The following EML5 variants were observed in gnomAD, a reference collection of about 807,000 sequenced individuals.
The protein encoded by EML5 is EMAP like 5, also known as echinoderm microtubule-associated protein-like 5.
Under a neutral mutation model 250.0 loss-of-function variants are expected in EML5, and 120 were observed. The ratio of observed to expected loss-of-function variants is 0.48; its 90% CI spans 0.41 to 0.56. The LOEUF is 0.56. Among genes scored for constraint, EML5 ranks in the 20% least tolerant of loss-of-function variants. EML5 has a pLI of 0.00. For missense variants in EML5, 2,006 were observed against 2,437.6 expected (o/e 0.82, Z 3.73); for synonymous variants, 771 against 806.5 (o/e 0.96, Z 0.75).
At chr14:88,637,677 TA>T (rs1405673536) in intron 32 of EML5, among the ~76,000 whole-genome samples, 1 of 152,080 alleles carries the variant, frequency 6.6e-6, no homozygotes, top group Non-Finnish European at 1.5e-5. Context: ...ATTTACTCAA[TA>T]AAAATTAACT....
Position 88,614,102 on chromosome 14 carries a change from CTG to C in EML5, c.*1714_*1715del, listed in dbSNP as rs776427348. The C allele has an allele frequency of 2.0e-5, 3 of 152,196 alleles. No individual in the cohort carries two copies. Among genetic ancestry groups the C allele is most frequent in the Non-Finnish European group, 4.4e-5 (3 of 68,036 alleles). The allele number at this position is 152,196 out of a possible 1,614,324, so 9.4% of individuals were successfully genotyped here. A position where few individuals can be genotyped will look rare whatever the true frequency, so the allele number is the denominator to read the frequency against. On this transcript the variant is annotated 3_prime_UTR_variant, in exon 44 of 44. Coordinates refer to ENST00000554922, the MANE Select transcript of EML5 (RefSeq NM_183387.3). ...GCACTGTAATGGAAATATAATTTCTCTGTAGCCAAAAGCTGGCAAACTTGACC... is the reference window on the plus strand; with the variant it reads ...GCACTGTAATGGAAATATAATTTCTCTAGCCAAAAGCTGGCAAACTTGACC...
intron 1 of EML5, among the ~76,000 whole-genome samples, chr14:88,767,008 T>C (rs1363369130): frequency 6.6e-6 from 1 of 152,238 alleles, no homozygotes; most frequent in Admixed American, 6.5e-5. Context: ...TTGTCTTTTC[T>C]TGTATAAATT....
At position 88,618,819 on chromosome 14, in the gene EML5, C is replaced by A. The variant is rs1271037410; in HGVS notation, c.5376-7G>T. 7 of 1,564,794 alleles carry A rather than the reference C, an allele frequency of 4.5e-6. No individual in the cohort carries two copies. The highest frequency in any genetic ancestry group is 4.3e-6 in the Non-Finnish European group (5 of 1,154,676). Reference sequence around the variant, plus strand: ...CCGGGAATCCGGACTAAATCTGAATCAAAACAAAACGTAAAAAGTATTAGA... The same window carrying A: ...CCGGGAATCCGGACTAAATCTGAATAAAAACAAAACGTAAAAAGTATTAGA... On this transcript the variant is annotated splice_polypyrimidine_tract_variant and splice_region_variant and intron_variant, in intron 39 of 43. Coordinates refer to ENST00000554922, the MANE Select transcript of EML5 (RefSeq NM_183387.3).
Position 88,713,840 on chromosome 14 carries a change from G to GTT in EML5, c.1444+1097_1444+1098dup, listed in dbSNP as rs33988759. The stretch of plus-strand genomic sequence containing the variant: ...TTATTAATATTTGCAAAGTTTATTT[G>GTT]TTTTTTTTTTTTTTTTGAGACAGCC... On this transcript the variant is annotated intron_variant, in intron 9 of 43. Coordinates refer to ENST00000554922, the MANE Select transcript of EML5 (RefSeq NM_183387.3). Among the ~76,000 whole-genome samples the GTT allele has an allele frequency of 8.1e-3, 1,048 of 130,090 alleles. 14 individuals are homozygous for GTT. Among genetic ancestry groups the GTT allele is most frequent in the African/African-American group, 0.027 (948 of 35,262 alleles). 85.3% of individuals were successfully genotyped at this position (130,090 alleles called of 152,430 possible). A position where few individuals can be genotyped will look rare whatever the true frequency, so the allele number is the denominator to read the frequency against.
intron 20 of EML5, among the ~76,000 whole-genome samples, chr14:88,682,396 G>C (rs1402194503): frequency 6.8e-6 from 1 of 146,512 alleles, no homozygotes; most frequent in South Asian, 2.2e-4. Context: ...AGTGAAACTA[G>C]TAAAAATCAA....
At chr14:88,658,568 A>C (rs1319850577) in intron 25 of EML5, among the ~76,000 whole-genome samples, 180 bp from the exon 26 acceptor site, 1 of 152,218 alleles carries the variant, frequency 6.6e-6, no homozygotes, top group Non-Finnish European at 1.5e-5. Flanking sequence ...AAACCTGTTA[A>C]GGACAAGATC....
rs770580575 is a variant in EML5, at chr14:88,688,449, C to T, written c.2564G>A (p.Gly855Asp). ...ATTTTTCCCCAGTGTGCCTATGTAG[C>T]CTTTTCTTCCAATCAATCCTCCCCC... is the stretch of plus-strand genomic sequence containing the variant. ...KAGGGLIGRK[G>D]YIGTLGKNDT... Residue 855 changes from glycine to aspartate, a missense_variant, in exon 18 of 44, where the codon GGC becomes GAC. Gly to Asp is a moderately conservative substitution (Grantham distance 94). Transcript: ENST00000554922. The T allele has an allele frequency of 6.2e-7, 1 of 1,613,890 alleles. No individual in the cohort carries two copies. The highest frequency in any genetic ancestry group is 8.5e-7 in the Non-Finnish European group (1 of 1,179,882).
intron 34 of EML5, chr14:88,627,445 T>C: frequency 1.9e-6 from 1 of 531,944 alleles, no homozygotes; most frequent in East Asian, 3.1e-5. Context: ...GTTTCATTAA[T>C]TTATCTGTTT....
intron 29 of EML5, among the ~76,000 whole-genome samples, chr14:88,646,337 G>A (rs1282696583): frequency 6.6e-6 from 1 of 152,130 alleles, no homozygotes; most frequent in East Asian, 1.9e-4. Flanking sequence ...GTCATAAAAA[G>A]TAAACATCCT....
At chr14:88,782,004 T>C (rs981251469) in intron 1 of EML5, among the ~76,000 whole-genome samples, 26 of 152,094 alleles carry the variant, frequency 1.7e-4, no homozygotes, top group African/African-American at 4.1e-4. Context: ...CAGAAGAAGA[T>C]AGGAAAATGT....
intron 31 of EML5, 150 bp downstream of exon 31, chr14:88,642,743 A>G (rs576645342): frequency 1.2e-6 from 1 of 805,488 alleles, no homozygotes; most frequent in African/African-American, 1.8e-5. Flanking sequence ...ATATTACTAG[A>G]AAGTTCTGAA....
At chr14:88,743,519 C>A (rs900271478) in intron 4 of EML5, among the ~76,000 whole-genome samples, 1 of 152,026 alleles carries the variant, frequency 6.6e-6, no homozygotes, top group Non-Finnish European at 1.5e-5. Context: ...TATACACTGC[C>A]GCCTTATTTA....
chr14:88,621,128 C>T lies in EML5; in HGVS notation c.5187G>A (p.Trp1729Ter), dbSNP rs1299996001. 6.2e-7 allele frequency: 1 copy of T among 1,613,548 alleles called. No homozygotes were observed. Among genetic ancestry groups the T allele is most frequent in the Non-Finnish European group, 8.5e-7 (1 of 1,179,808 alleles). Residue 1729 changes from tryptophan (W) to a stop codon, truncating the protein, a stop_gained, in exon 38 of 44, where the codon TGG becomes TGA. Coordinates refer to ENST00000554922, the MANE Select transcript of EML5 (RefSeq NM_183387.3). LOFTEE classifies it high-confidence loss of function. Reference protein sequence around the residue: ...SAAEDGTVRLWDIADKKMLNK... With the variant: ...SAAEDGTVRL Reference sequence around the variant, plus strand: ...CTGTACTTACTTTATCAGCAATATCCCAAAGTCTCACTGTCCCATCTTCTG... The same window carrying T: ...CTGTACTTACTTTATCAGCAATATCTCAAAGTCTCACTGTCCCATCTTCTG...
intron 36 of EML5, chr14:88,624,303 G>A (rs944109458): frequency 3.3e-5 from 5 of 152,566 alleles, no homozygotes; most frequent in African/African-American, 1.2e-4. Context: ...TTGAACTCCT[G>A]GGCTCAAGCG....
rs1226306526 is a variant in EML5, at chr14:88,661,715, T to C, written c.3614A>G (p.Lys1205Arg). 1.9e-6 allele frequency: 3 copies of C among 1,613,592 alleles called. No homozygotes were observed. The South Asian group carries it at 3.3e-5, about 18-fold the overall frequency. Residue 1205 changes from lysine (K) to arginine (R), a missense_variant, in exon 25 of 44, where the codon AAA becomes AGA. Physicochemically the swap from Lys to Arg is conservative, Grantham distance 26 (BLOSUM62 2). Coordinates refer to ENST00000554922, the MANE Select transcript of EML5 (RefSeq NM_183387.3). ...ATCGTCCCCGGTAGCTAGAACCATT[T>C]TGTCACTGGTGAGGCAAGAAGCAGT... Reference protein sequence around the residue: ...DVTASCLTSDKMVLATGDDLG... With the variant: ...DVTASCLTSDRMVLATGDDLG...
intron 7 of EML5, among the ~76,000 whole-genome samples, chr14:88,727,457 A>C: frequency 6.9e-6 from 1 of 145,972 alleles, no homozygotes; most frequent in Non-Finnish European, 1.5e-5. Context: ...GCCGGAGTGC[A>C]ATGGTGTGAT....
intron 1 of EML5, among the ~76,000 whole-genome samples, chr14:88,768,180 G>C (rs2094344305): frequency 6.6e-6 from 1 of 152,150 alleles, no homozygotes; most frequent in Non-Finnish European, 1.5e-5. Context: ...CGTATCAGAA[G>C]GTTTAGGGTG....
intron 27 of EML5, among the ~76,000 whole-genome samples, chr14:88,651,154 CTTTTT>C (rs869045980): frequency 2.1e-5 from 2 of 93,162 alleles, no homozygotes; most frequent in Non-Finnish European, 2.0e-5. Flanking sequence ...TTGTCATTTT[CTTTTT>C]TTTTTTTTTT....
chr14:88,656,833 T>C (rs1025667443), intron 27 of EML5, among the ~76,000 whole-genome samples: 11 of 152,204 alleles, frequency 7.2e-5, no homozygotes, highest in Non-Finnish European at 1.6e-4. Context: ...TCTTAAAAAG[T>C]ACTCGGTATT....
Sources: gnomAD v4.1 joint callset for allele counts (sites outside exome capture counted in the v4.1 genomes callset) on GRCh38, gnomAD v4.1.1 for gene constraint, MANE v1.5 for transcripts, NCBI Gene and HGNC (gene_info 2026-07-23, HGNC 2026-07-21) for gene names.